ARMC2: variants seen among roughly 807,000 people sequenced by gnomAD.
The protein encoded by ARMC2 is armadillo repeat-containing protein 2.
In ARMC2, 67 loss-of-function variants were observed where a neutral mutation model predicts 90.3. The ratio of observed to expected loss-of-function variants is 0.74; its 90% CI spans 0.61 to 0.91. ARMC2 has a LOEUF of 0.91. Ranked by LOEUF, ARMC2 falls within the 40% of genes least tolerant of loss-of-function variation. The probability of loss-of-function intolerance (pLI) is 0.00; values close to 1 mark genes in which losing one functional copy is unlikely to be tolerated. For synonymous variants in ARMC2, 393 were observed against 393.0 expected (o/e 1.00, Z 0.00); for missense variants, 920 against 1,030.9 (o/e 0.89, Z 1.47).
chr6:108,986,334 T>C, the ARMC2 span: 7 of 152,566 alleles, frequency 4.6e-5, no homozygotes, highest in African/African-American at 1.2e-4. Flanking sequence ...AAGTGTTGTT[T>C]TGCCATTTAA....
chr6:108,961,884 TA>T (rs1778023758), intron 14 of ARMC2, 129 bp from the exon 15 acceptor site: 2 of 968,026 alleles, frequency 2.1e-6, no homozygotes, highest in Non-Finnish European at 3.0e-6. Context: ...TAGTTCTTGC[TA>T]AAGTCCCTTA....
intron 12 of ARMC2, among the ~76,000 whole-genome samples, chr6:108,939,606 G>A: frequency 6.6e-6 from 1 of 152,172 alleles, no homozygotes; most frequent in South Asian, 2.1e-4. Flanking sequence ...TTCCTGTACA[G>A]CCTACGGAAC....
intron 5 of ARMC2, among the ~76,000 whole-genome samples, chr6:108,890,206 A>AC (rs1770845319): frequency 1.4e-5 from 1 of 69,800 alleles, no homozygotes; most frequent in East Asian, 3.4e-4. Flanking sequence ...AAAAAAAAAA[A>AC]AAAAAAAAAA....
chr6:108,936,151 C>A, intron 11 of ARMC2, among the ~76,000 whole-genome samples: 1 of 152,168 alleles, frequency 6.6e-6, no homozygotes, highest in East Asian at 1.9e-4. Context: ...GGCTTTCTGC[C>A]TTAAGGTTGG....
rs1182357423 is a variant in ARMC2, at chr6:108,973,781, T to C, written c.*267T>C. The C allele has an allele frequency of 2.0e-5, 6 of 301,924 alleles. No homozygotes were observed. The highest frequency in any genetic ancestry group is 1.3e-4 in the African/African-American group (6 of 46,862). The allele number at this position is 301,924 out of a possible 1,614,324, so 18.7% of individuals were successfully genotyped here. On this transcript the variant is annotated 3_prime_UTR_variant, in exon 18 of 18. Coordinates refer to ENST00000392644, the MANE Select transcript of ARMC2 (RefSeq NM_032131.6). ...TTCAAGTAAATGACTTTTTCTTCTA[T>C]TCTCTATTAAACAATTTAGTTCTAG...
chr6:108,848,558 C>G lies in ARMC2; in HGVS notation c.-44+12C>G, dbSNP rs1773663512. 6.6e-6 allele frequency: 1 copy of G among 152,328 alleles called. No individual in the cohort carries two copies. The highest frequency in any genetic ancestry group is 2.4e-5 in the African/African-American group (1 of 41,472). 9.4% of individuals were successfully genotyped at this position (152,328 alleles called of 1,614,324 possible). On this transcript the variant is annotated intron_variant, in intron 1 of 17. Transcript: ENST00000392644. ...AGTGCTCATCACAGGTGCTTTGGGT[C>G]AGGTCGGAAGCCTCCTTCCCTGAGC... is the stretch of plus-strand genomic sequence containing the variant.
chr6:108,907,860 C>A (rs1772948534), intron 8 of ARMC2: 2 of 1,610,846 alleles, frequency 1.2e-6, no homozygotes, highest in Non-Finnish European at 1.7e-6. Context: ...TTCACTGGTA[C>A]AACTGACGCT....
At chr6:108,946,696 A>C (rs1350157543) in intron 12 of ARMC2, among the ~76,000 whole-genome samples, 1 of 152,228 alleles carries the variant, frequency 6.6e-6, no homozygotes, top group African/African-American at 2.4e-5. Flanking sequence ...GATTTTAAGT[A>C]TATTTACATC....
chr6:109,027,302 G>A, the ARMC2 span, among the ~76,000 whole-genome samples: 1 of 151,504 alleles, frequency 6.6e-6, no homozygotes, highest in Non-Finnish European at 1.5e-5. Flanking sequence ...GTGAAACCCC[G>A]TCTCTACTAA....
At chr6:109,044,304 C>T in the ARMC2 span, among the ~76,000 whole-genome samples, 118 of 73,450 alleles carry the variant, frequency 1.6e-3, 1 homozygote, top group African/African-American at 5.9e-3. Flanking sequence ...ACAGTGAGAA[C>T]TTGCCTCAAA....
chr6:108,993,538 C>A, the ARMC2 span, among the ~76,000 whole-genome samples: 2 of 152,118 alleles, frequency 1.3e-5, no homozygotes, highest in East Asian at 3.8e-4. Flanking sequence ...TTGATTGTTT[C>A]TTTGCTATTA....
chr6:108,931,705 C>T (rs1775575274), intron 11 of ARMC2, among the ~76,000 whole-genome samples: 1 of 150,238 alleles, frequency 6.7e-6, no homozygotes. Flanking sequence ...GCTTTTTTTC[C>T]ATATGCTTAT....
At chr6:108,977,939 C>T (rs1480672073), downstream of ARMC2, among the ~76,000 whole-genome samples, 1 of 151,962 alleles carries the variant, frequency 6.6e-6, no homozygotes, top group Non-Finnish European at 1.5e-5. Context: ...TTGATCTTTT[C>T]AAAAAACCAG....
At chr6:108,928,839 A>G (rs188560310) in intron 11 of ARMC2, among the ~76,000 whole-genome samples, 1 of 152,298 alleles carries the variant, frequency 6.6e-6, no homozygotes, top group Admixed American at 6.5e-5. Context: ...GTATTTTTAC[A>G]TAATGATTCT....
downstream of ARMC2, among the ~76,000 whole-genome samples, chr6:108,977,933 T>A (rs1245685084): frequency 1.3e-5 from 2 of 152,170 alleles, no homozygotes; most frequent in Non-Finnish European, 2.9e-5. Context: ...ATTTTGTTGA[T>A]CTTTTCAAAA....
chr6:108,870,619 AGAGG>A (rs562710575), intron 4 of ARMC2, among the ~76,000 whole-genome samples: 6 of 152,016 alleles, frequency 3.9e-5, no homozygotes, highest in Non-Finnish European at 7.4e-5. Context: ...GAAAAAGAAG[AGAGG>A]GAGGGAGGAA....
chr6:108,964,062 C>A, intron 15 of ARMC2, 118 bp from the exon 16 acceptor site: 1 of 1,134,162 alleles, frequency 8.8e-7, no homozygotes, highest in East Asian at 2.5e-5. Flanking sequence ...AGTTAAGTCC[C>A]TTAACAGGGG....
At chr6:108,971,421 C>T (rs1778756871) in intron 17 of ARMC2, among the ~76,000 whole-genome samples, 1 of 152,160 alleles carries the variant, frequency 6.6e-6, no homozygotes, top group South Asian at 2.1e-4. Context: ...TGGAGCTTAT[C>T]TCAGAACTGC....
chr6:109,048,922 A>C, the ARMC2 span, among the ~76,000 whole-genome samples: 1 of 152,140 alleles, frequency 6.6e-6, no homozygotes, highest in Non-Finnish European at 1.5e-5. Flanking sequence ...GAGTACTTAA[A>C]ACATAACAAT....
Sources: gnomAD v4.1 joint callset for allele counts (sites outside exome capture counted in the v4.1 genomes callset) on GRCh38, gnomAD v4.1.1 for gene constraint, MANE v1.5 for transcripts, NCBI Gene and HGNC (gene_info 2026-07-23, HGNC 2026-07-21) for gene names.